Variants in GGT1 observed in about 807,000 individuals in gnomAD.
GGT1 encodes gamma-glutamyltransferase 1, also known as glutathione hydrolase 1 proenzyme.
GGT1 carries 21 observed loss-of-function variants against 56.0 expected under a neutral mutation model. The observed-to-expected ratio is 0.38, with a 90% CI of 0.27 to 0.54. The LOEUF (loss-of-function observed/expected upper bound fraction) is 0.54, where lower values mean the gene tolerates loss of function less well. Ranked by LOEUF, GGT1 falls within the 20% of genes least tolerant of loss-of-function variation. The probability of loss-of-function intolerance (pLI) is 0.82; values close to 1 mark genes in which losing one functional copy is unlikely to be tolerated. For missense variants in GGT1, 466 were observed against 787.0 expected (o/e 0.59, Z 4.88); for synonymous variants, 238 against 342.6 (o/e 0.69, Z 3.37).
upstream of GGT1, chr22:24,592,874 G>A: frequency 7.8e-7 from 1 of 1,283,486 alleles, no homozygotes; most frequent in Non-Finnish European, 9.9e-7. Context: ...TGGCGCAGGA[G>A]GCGCAGCAGC....
chr22:24,611,773 TTGTGTGTGTGTG>T (rs57600451), intron 5 of GGT1, among the ~76,000 whole-genome samples: 1,465 of 131,002 alleles, frequency 0.011, 24 homozygotes, highest in African/African-American at 0.03. Flanking sequence ...CCCAACAAAT[TTGTGTGTGTGTG>T]TGTGTGTGTG....
upstream of GGT1, among the ~76,000 whole-genome samples, chr22:24,590,111 T>G (rs981380323): frequency 1.3e-5 from 2 of 152,200 alleles, no homozygotes; most frequent in African/African-American, 4.8e-5. Flanking sequence ...AACAGTCCAG[T>G]GGCGGGTGGC....
upstream of GGT1, among the ~76,000 whole-genome samples, chr22:24,601,631 A>G (rs774095236): frequency 3.7e-4 from 56 of 152,318 alleles, no homozygotes; most frequent in South Asian, 4.8e-3. Flanking sequence ...TCTCAGAGGG[A>G]CTGTGTGGCT....
chr22:24,601,708 G>A (rs1422796332), upstream of GGT1, among the ~76,000 whole-genome samples: 3 of 152,238 alleles, frequency 2.0e-5, no homozygotes, highest in South Asian at 2.1e-4. Context: ...CTGAGGCACT[G>A]TGGGCTGCTG....
intron 1 of GGT1, among the ~76,000 whole-genome samples, chr22:24,606,805 C>T (rs1255187915): frequency 2.6e-5 from 4 of 151,832 alleles, no homozygotes; most frequent in South Asian, 2.1e-4. Context: ...GCTGGGGCAG[C>T]CTGGAAGCAT....
chr22:24,628,373 G>C lies in GGT1; in HGVS notation c.1548G>C (p.Glu516Asp), dbSNP rs753127547. 35 of 1,611,126 alleles carry C rather than the reference G, an allele frequency of 2.2e-5. 1 individual carries two copies. In the South Asian group the frequency reaches 2.9e-4, roughly 13 times the overall value. Reference sequence around the variant, plus strand: ...TTCTGCCCAACGTCACGACAGTGGAGAGAAACATTGACCAGGTGGGCCGGG... The same window carrying C: ...TTCTGCCCAACGTCACGACAGTGGACAGAAACATTGACCAGGTGGGCCGGG... The part of the protein sequence containing the change: ...NQLLPNVTTV[E>D]RNIDQAVTAA... The change falls in exon 15 of 16, where the codon GAG becomes GAC. Residue 516 changes from glutamate (E) to aspartate (D), a missense_variant. Coordinates refer to ENST00000400382, the MANE Select transcript of GGT1 (RefSeq NM_001288833.2). This position sits in a 1 kb window ranked among gnomAD's most constrained non-coding sequence, Gnocchi z 5.7.
At chr22:24,627,312 C>T (rs1165827470) in intron 11 of GGT1, 120 bp from the exon 12 acceptor site, 46 of 1,332,624 alleles carry the variant, frequency 3.5e-5, no homozygotes, top group Non-Finnish European at 4.2e-5. Flanking sequence ...TGGGGAGCCA[C>T]GGAAGGTTGT....
At chr22:24,591,412 G>T (rs1057348446), upstream of GGT1, among the ~76,000 whole-genome samples, 1 of 152,238 alleles carries the variant, frequency 6.6e-6, no homozygotes, top group East Asian at 1.9e-4. Context: ...TTTGAGAGCT[G>T]ATGGGGCAGC....
chr22:24,598,356 G>T (rs1023199212), upstream of GGT1: 1 of 145,816 alleles, frequency 6.9e-6, no homozygotes, highest in Admixed American at 7.2e-5. Context: ...AGAATCATCG[G>T]TTGAACCCGA....
chr22:24,606,622 C>T (rs2046340072), intron 1 of GGT1, among the ~76,000 whole-genome samples: 1 of 152,114 alleles, frequency 6.6e-6, no homozygotes, highest in Non-Finnish European at 1.5e-5. Context: ...GGAGGAATAG[C>T]CTGGGAAAGG....
intron 1 of GGT1, among the ~76,000 whole-genome samples, chr22:24,604,901 C>T (rs1050482353): frequency 3.4e-5 from 5 of 147,714 alleles, no homozygotes; most frequent in African/African-American, 1.3e-4. Context: ...TTGAAGGCAG[C>T]TCTGTCTCCC....
chr22:24,596,035 C>T (rs1426660099), intron 1 of GGT1, among the ~76,000 whole-genome samples: 1 of 152,222 alleles, frequency 6.6e-6, no homozygotes, highest in East Asian at 1.9e-4. Context: ...GACAGAATGT[C>T]CTCTGTGTTT....
At chr22:24,604,547 G>A (rs1266043835) in intron 1 of GGT1, among the ~76,000 whole-genome samples, 4 of 152,154 alleles carry the variant, frequency 2.6e-5, no homozygotes, top group Non-Finnish European at 4.4e-5. Context: ...CAGAGTCTGT[G>A]TCTCTGGGTG....
upstream of GGT1, among the ~76,000 whole-genome samples, chr22:24,600,275 C>T (rs972638275): frequency 6.6e-6 from 1 of 152,212 alleles, no homozygotes; most frequent in Non-Finnish European, 1.5e-5. Context: ...AAGGAATCCA[C>T]CCAGCAACTG....
At chr22:24,626,530 T>A (rs1167184212) in intron 11 of GGT1, among the ~76,000 whole-genome samples, 1 of 151,746 alleles carries the variant, frequency 6.6e-6, no homozygotes, top group African/African-American at 2.4e-5. Context: ...GCACCCATGC[T>A]CTTCAGGTCT....
chr22:24,606,518 C>A (rs2046334224), intron 1 of GGT1, among the ~76,000 whole-genome samples: 6 of 152,210 alleles, frequency 3.9e-5, no homozygotes, highest in Admixed American at 2.0e-4. Flanking sequence ...GGCCAAATCC[C>A]CTGATGTTCC....
upstream of GGT1, chr22:24,590,001 A>T: frequency 6.7e-7 from 1 of 1,503,378 alleles, no homozygotes; most frequent in Non-Finnish European, 8.9e-7. Context: ...TCCCATCTCG[A>T]GGCACCACCC....
rs752986628 is a variant in GGT1 at position 24,605,036 on chromosome 22, A to ATAT, written c.-429+1509_-429+1510insTAT. 1.4e-3 allele frequency among the ~76,000 whole-genome samples: 101 copies of ATAT among 71,176 alleles called. 21 individuals are homozygous for ATAT. The highest frequency in any genetic ancestry group is 2.0e-3 in the South Asian group (6 of 3,058). The allele number at this position is 71,176 out of a possible 152,430, so 46.7% of individuals were successfully genotyped here. Reference sequence around the variant, plus strand: ...AATCCTGTATGTCATATATATATATAAAATATGTAATATATTATATATTAT... The same window carrying ATAT: ...AATCCTGTATGTCATATATATATATATATAAATATGTAATATATTATATATTAT... On this transcript the variant is annotated intron_variant, in intron 1 of 15. Transcript: ENST00000400382.
intron 7 of GGT1, among the ~76,000 whole-genome samples, chr22:24,617,581 T>C (rs1166185041): frequency 1.3e-5 from 2 of 151,868 alleles, no homozygotes; most frequent in Non-Finnish European, 2.9e-5. Context: ...GACGCTTGTG[T>C]AGGGAGTCCC....
Sources: gnomAD v4.1 joint callset for allele counts (sites outside exome capture counted in the v4.1 genomes callset) on GRCh38, gnomAD v4.1.1 for gene constraint, Gnocchi (gnomAD v3.1) non-coding constraint, MANE v1.5 for transcripts, NCBI Gene and HGNC (gene_info 2026-07-23, HGNC 2026-07-21) for gene names.